TMEM170A: variants seen among roughly 807,000 people sequenced by gnomAD.
The protein encoded by TMEM170A is transmembrane protein 170A.
TMEM170A carries 18 observed loss-of-function variants against 12.8 expected under a neutral mutation model. The observed-to-expected ratio is 1.41, with a 90% CI of 0.97 to 2.09. The LOEUF (loss-of-function observed/expected upper bound fraction) is 2.09. Ranked by LOEUF, TMEM170A falls within the 30% of genes most tolerant of loss-of-function variation. The pLI, the probability that TMEM170A is intolerant of heterozygous loss-of-function variation, is 0.00. For missense variants in TMEM170A, 220 were observed against 179.9 expected (o/e 1.22, Z -1.28); for synonymous variants, 107 against 76.2 (o/e 1.40, Z -2.11).
In TMEM170A at chr16:75,464,017, C is replaced by T. The variant is rs561938336; in HGVS notation, c.133+451G>A. On this transcript the variant is annotated intron_variant, in intron 1 of 2. Coordinates refer to ENST00000561878, the MANE Select transcript of TMEM170A (RefSeq NM_145254.3). The stretch of plus-strand genomic sequence containing the variant: ...CTGCGCGGAGGGGCCGGGCTGCAGC[C>T]CCGGGGCAAGGGGAGCGCGAGCTCT... Among the ~76,000 whole-genome samples, 22 of 152,364 alleles carry T rather than the reference C, an allele frequency of 1.4e-4. 1 individual carries two copies. The East Asian group carries it at 2.9e-3, about 20-fold the overall frequency.
intron 1 of TMEM170A, among the ~76,000 whole-genome samples, chr16:75,453,078 A>G (rs2079718349): frequency 6.6e-6 from 1 of 151,936 alleles, no homozygotes; most frequent in Non-Finnish European, 1.5e-5. Flanking sequence ...AAGCTGACCA[A>G]TCTCTGTACC....
At position 75,464,636 on chromosome 16, in the gene TMEM170A, G is replaced by T. The variant is rs750207980; in HGVS notation, c.-36C>A. On this transcript the variant is annotated 5_prime_UTR_variant, in exon 1 of 3. Transcript: ENST00000561878. The stretch of plus-strand genomic sequence containing the variant: ...TTCACCACAGAGAAATGAGGGACGA[G>T]CGCCCGAAGTGCGGTAGCGGCCGGC... The T allele has an allele frequency of 6.4e-7, 1 of 1,555,604 alleles. No individual in the cohort carries two copies. Among genetic ancestry groups the T allele is most frequent in the East Asian group, 2.6e-5 (1 of 37,864 alleles).
At chr16:75,450,468 G>A (rs567385070) in intron 2 of TMEM170A, among the ~76,000 whole-genome samples, 1 of 152,006 alleles carries the variant, frequency 6.6e-6, no homozygotes, top group East Asian at 1.9e-4. Context: ...CATGAGCTTT[G>A]AAATGATTTA....
In TMEM170A at chr16:75,451,733, C is replaced by CCTACCA. The variant is rs2151632241; in HGVS notation, c.234_239dup (p.Gly79_Arg80insSerGly). 1 of 1,614,124 alleles carries CCTACCA rather than the reference C, an allele frequency of 6.2e-7. No homozygotes were observed. The highest frequency in any genetic ancestry group is 2.2e-5 in the East Asian group (1 of 44,888). On this transcript the variant is annotated inframe_insertion, in exon 2 of 3. Transcript: ENST00000561878. ...TCAACAGGATGCTTACAGACATGAA[C>CCTACCA]CTACCATATTTGTGATGTCTGAGGG... is the stretch of plus-strand genomic sequence containing the variant.
Position 75,464,498 on chromosome 16 carries a change from G to C in TMEM170A, c.103C>G (p.Pro35Ala), listed in dbSNP as rs762239859. ...AAGGAGCAGAGGGAAGTAGAGTTGG[G>C]GCACAGGGTCCCGTTGCCCACCCGC... is the stretch of plus-strand genomic sequence containing the variant. ...VPRVGNGTLC[P>A]NSTSLCSFPE... The change falls in exon 1 of 3, where the codon CCC becomes GCC. Residue 35 changes from proline to alanine, a missense_variant. Pro to Ala is a conservative substitution (Grantham distance 27). Coordinates refer to ENST00000561878, the MANE Select transcript of TMEM170A (RefSeq NM_145254.3). 1.9e-6 allele frequency: 3 copies of C among 1,578,130 alleles called. No individual in the cohort carries two copies. The highest frequency in any genetic ancestry group is 1.8e-5 in the Admixed American group (1 of 55,270).
At chr16:75,454,292 ACC>A (rs2079743864) in intron 1 of TMEM170A, among the ~76,000 whole-genome samples, 1 of 152,038 alleles carries the variant, frequency 6.6e-6, no homozygotes, top group Admixed American at 6.6e-5. Context: ...CTGATTAAAA[ACC>A]ACGGGCTTTA....
At chr16:75,450,850 T>C (rs185657675) in intron 2 of TMEM170A, among the ~76,000 whole-genome samples, 3 of 152,186 alleles carry the variant, frequency 2.0e-5, no homozygotes, top group Non-Finnish European at 4.4e-5. Flanking sequence ...TTTGTAGAGA[T>C]GGGGTCTTGC....
intron 1 of TMEM170A, among the ~76,000 whole-genome samples, chr16:75,452,473 G>A (rs756441115): frequency 6.6e-6 from 1 of 151,822 alleles, no homozygotes; most frequent in Non-Finnish European, 1.5e-5. Flanking sequence ...ATGAGACAGG[G>A]TCTCACTACT....
chr16:75,461,444 TC>T (rs2079907134), intron 1 of TMEM170A, among the ~76,000 whole-genome samples: 1 of 152,294 alleles, frequency 6.6e-6, no homozygotes, highest in South Asian at 2.1e-4. Flanking sequence ...ATTCAGTACT[TC>T]CTGGTATACA....
At chr16:75,459,505 T>C (rs193027552) in intron 1 of TMEM170A, among the ~76,000 whole-genome samples, 294 of 152,280 alleles carry the variant, frequency 1.9e-3, no homozygotes, top group African/African-American at 5.6e-3. Flanking sequence ...ACACAGCCAG[T>C]TCCTCTGAAG....
chr16:75,451,972 T>C (rs2079696287), intron 1 of TMEM170A, 133 bp from the exon 2 acceptor site: 11 of 862,572 alleles, frequency 1.3e-5, no homozygotes, highest in Non-Finnish European at 1.7e-6. Flanking sequence ...AAATTTTTAT[T>C]ATTTTTAATT....
intron 1 of TMEM170A, chr16:75,459,864 A>C (rs1392986101): frequency 6.6e-6 from 1 of 152,276 alleles, no homozygotes; most frequent in Non-Finnish European, 1.5e-5. Flanking sequence ...CTCAAAAAAA[A>C]AAAAAGTCTT....
chr16:75,456,328 T>A (rs144407457), intron 1 of TMEM170A, among the ~76,000 whole-genome samples: 4 of 152,072 alleles, frequency 2.6e-5, no homozygotes, highest in Non-Finnish European at 4.4e-5. Flanking sequence ...GTGGGTCACA[T>A]CTGTAATACC....
intron 1 of TMEM170A, among the ~76,000 whole-genome samples, chr16:75,454,642 TAA>T (rs1169836373): frequency 3.3e-5 from 5 of 151,664 alleles, no homozygotes; most frequent in Admixed American, 6.6e-5. Context: ...CTCAAAAAAA[TAA>T]AAGAGCAATG....
intron 1 of TMEM170A, among the ~76,000 whole-genome samples, chr16:75,457,032 A>C (rs1373904637): frequency 6.6e-6 from 1 of 152,238 alleles, no homozygotes; most frequent in Non-Finnish European, 1.5e-5. Flanking sequence ...CACTGGTCCA[A>C]AGTGGACAAA....
upstream of TMEM170A, chr16:75,464,723 A>G (rs2079968494): frequency 1.7e-5 from 23 of 1,319,780 alleles, no homozygotes; most frequent in Non-Finnish European, 1.9e-5. Context: ...CCCAATCCCA[A>G]CGGCGCTGCC....
At chr16:75,463,226 T>A (rs954441002) in intron 1 of TMEM170A, among the ~76,000 whole-genome samples, 2 of 152,162 alleles carry the variant, frequency 1.3e-5, no homozygotes, top group Non-Finnish European at 2.9e-5. Flanking sequence ...ATTAATCTGG[T>A]CCCAGTAGTG....
At chr16:75,456,474 C>T (rs569480541) in intron 1 of TMEM170A, among the ~76,000 whole-genome samples, 9 of 152,176 alleles carry the variant, frequency 5.9e-5, no homozygotes, top group Admixed American at 2.0e-4. Context: ...GTAATCCTGG[C>T]GACTCAGGAG....
chr16:75,458,370 C>T (rs943108526), intron 1 of TMEM170A: 1 of 152,240 alleles, frequency 6.6e-6, no homozygotes, highest in African/African-American at 2.4e-5. Flanking sequence ...GGAAAAGGGA[C>T]ATTGTGGTGA....
Sources: gnomAD v4.1 joint callset for allele counts (sites outside exome capture counted in the v4.1 genomes callset) on GRCh38, gnomAD v4.1.1 for gene constraint, MANE v1.5 for transcripts, NCBI Gene and HGNC (gene_info 2026-07-23, HGNC 2026-07-21) for gene names.